Variants in MYO6 observed in about 807,000 individuals in gnomAD.
MYO6 encodes myosin VI, also known as unconventional myosin-VI.
MYO6 carries 74 observed loss-of-function variants against 178.7 expected under a neutral mutation model. That is an observed-to-expected ratio of 0.41 (90% confidence interval 0.34 to 0.50). The LOEUF is 0.50. MYO6 is among the 20% of genes least tolerant of loss of function. The probability of loss-of-function intolerance (pLI) is 0.09; values close to 1 mark genes in which losing one functional copy is unlikely to be tolerated. For missense variants in MYO6, 1,330 were observed against 1,547.4 expected (o/e 0.86, Z 2.36); for synonymous variants, 477 against 504.6 (o/e 0.95, Z 0.73).
intron 7 of MYO6, among the ~76,000 whole-genome samples, chr6:75,839,726 A>G (rs1405231715): frequency 6.6e-6 from 1 of 152,142 alleles, no homozygotes; most frequent in African/African-American, 2.4e-5. Context: ...GTTCACTAGG[A>G]TTTTAAAACC....
At chr6:75,796,195 A>G (rs1768796208) in intron 1 of MYO6, among the ~76,000 whole-genome samples, 1 of 152,196 alleles carries the variant, frequency 6.6e-6, no homozygotes, top group African/African-American at 2.4e-5. Context: ...CCTTTCTAAT[A>G]TGGTCAGTGA....
At chr6:75,775,913 G>T (rs1464317643) in intron 1 of MYO6, among the ~76,000 whole-genome samples, 3 of 152,026 alleles carry the variant, frequency 2.0e-5, no homozygotes, top group Non-Finnish European at 2.9e-5. Flanking sequence ...AGAGCACACT[G>T]GTGTTTTTCG....
At chr6:75,913,581 G>A (rs1205174928) in intron 33 of MYO6, among the ~76,000 whole-genome samples, 1 of 152,110 alleles carries the variant, frequency 6.6e-6, no homozygotes, top group Non-Finnish European at 1.5e-5. Context: ...TCTACTTTTT[G>A]TGGAAATAGT....
intron 1 of MYO6, among the ~76,000 whole-genome samples, chr6:75,775,090 G>A (rs1270712043): frequency 1.3e-5 from 2 of 152,006 alleles, no homozygotes; most frequent in South Asian, 2.1e-4. Flanking sequence ...CACCACGTCC[G>A]GTGAGAAATT....
intron 2 of MYO6, among the ~76,000 whole-genome samples, chr6:75,820,780 C>T (rs953740076): frequency 6.6e-6 from 1 of 152,164 alleles, no homozygotes; most frequent in Admixed American, 6.5e-5. Context: ...TCCCTCCCCC[C>T]CATTCAGTAG....
At chr6:75,772,506 C>T (rs1765994181) in intron 1 of MYO6, among the ~76,000 whole-genome samples, 1 of 152,136 alleles carries the variant, frequency 6.6e-6, no homozygotes, top group African/African-American at 2.4e-5. Context: ...CATTGTTTTA[C>T]TAACCTTACT....
chr6:75,869,342 G>A (rs1417905635), intron 18 of MYO6, among the ~76,000 whole-genome samples: 1 of 152,046 alleles, frequency 6.6e-6, no homozygotes, highest in Non-Finnish European at 1.5e-5. Flanking sequence ...ATCACTCACA[G>A]GAGAATGAAA....
In MYO6 at chr6:75,752,616, A is replaced by T. The variant is rs541002851; in HGVS notation, c.-48+3193A>T. Among the ~76,000 whole-genome samples, 20 of 152,328 alleles carry T rather than the reference A, an allele frequency of 1.3e-4. No individual in the cohort carries two copies. In the East Asian group the frequency reaches 3.9e-3, roughly 29 times the overall value. On this transcript the variant is annotated intron_variant, in intron 1 of 34. Coordinates refer to ENST00000369977, the MANE Select transcript of MYO6 (RefSeq NM_004999.4). Reference sequence around the variant, plus strand: ...TGTTTAAACCGGCAAAACTGGTATTATGTCAAAGAATGTAATTCAAGGTTT... The same window carrying T: ...TGTTTAAACCGGCAAAACTGGTATTTTGTCAAAGAATGTAATTCAAGGTTT...
At chr6:75,907,533 T>C in intron 30 of MYO6, 72 bp from the exon 31 acceptor site, 1 of 1,227,632 alleles carries the variant, frequency 8.1e-7, no homozygotes, top group Non-Finnish European at 1.2e-6. Flanking sequence ...TTATGCATGC[T>C]TTCTTGCCTC....
At chr6:75,911,798 A>T in intron 33 of MYO6, 100 bp downstream of exon 33, 1 of 1,147,868 alleles carries the variant, frequency 8.7e-7, no homozygotes. Context: ...TACAATTTTC[A>T]GTGGAATTGT....
intron 25 of MYO6, 123 bp from the exon 26 acceptor site, chr6:75,889,933 TA>T: frequency 1.3e-6 from 1 of 744,136 alleles, no homozygotes; most frequent in Non-Finnish European, 2.2e-6. Flanking sequence ...TAAAAAACAA[TA>T]AAAACATTAA....
At chr6:75,885,648 G>T (rs182142583) in intron 23 of MYO6, among the ~76,000 whole-genome samples, 1 of 151,990 alleles carries the variant, frequency 6.6e-6, no homozygotes. Context: ...GGGTTTCACC[G>T]TGTTAGCCAG....
rs539353088 is a variant in MYO6 at position 75,821,151 on chromosome 6, T to G, written c.118-1631T>G. On this transcript the variant is annotated intron_variant, in intron 2 of 34. Coordinates refer to ENST00000369977, the MANE Select transcript of MYO6 (RefSeq NM_004999.4). ...AGGACTCCTTACTGGCCTTTTAGCC[T>G]GCTCTTAACTTTCTCATTCCAGCAA... 1.5e-4 allele frequency among the ~76,000 whole-genome samples: 23 copies of G among 152,298 alleles called. No individual in the cohort carries two copies. In the South Asian group the frequency reaches 4.8e-3, roughly 32 times the overall value.
In MYO6 at chr6:75,910,609, A is replaced by G. The variant is rs956605452; in HGVS notation, c.3413-1063A>G. 3.3e-5 allele frequency among the ~76,000 whole-genome samples: 5 copies of G among 152,170 alleles called. No homozygotes were observed. The South Asian group carries it at 1.0e-3, about 32-fold the overall frequency. ...TTTATGTGAACACAACCCCACACAT[A>G]CATATTAAGCCTTCAGAGAACTTGA... is the stretch of plus-strand genomic sequence containing the variant. On this transcript the variant is annotated intron_variant, in intron 32 of 34. Coordinates refer to ENST00000369977, the MANE Select transcript of MYO6 (RefSeq NM_004999.4).
At chr6:75,847,559 C>T (rs758135017) in intron 10 of MYO6, among the ~76,000 whole-genome samples, 7 of 151,922 alleles carry the variant, frequency 4.6e-5, no homozygotes, top group Non-Finnish European at 1.0e-4. Context: ...CAAATGAGCA[C>T]ATTAGATGCA....
At chr6:75,863,458 A>G (rs867406483) in intron 16 of MYO6, among the ~76,000 whole-genome samples, 1 of 152,104 alleles carries the variant, frequency 6.6e-6, no homozygotes, top group Admixed American at 6.6e-5. Flanking sequence ...GGTGCACTCT[A>G]AAAGGCCAGA....
Position 75,817,641 on chromosome 6 carries a change from G to C in MYO6, c.94G>C (p.Glu32Gln). ...VDIGPDSLTIEPLNQKGKTFL... is the reference protein window; with the variant it reads ...VDIGPDSLTIQPLNQKGKTFL... ...TATTGGCCCCGACAGCTTAACAATT[G>C]AACCCTTGAATCAGAAAGGCAAGGT... Residue 32 changes from glutamate to glutamine, a missense_variant, in exon 2 of 35, where the codon GAA becomes CAA. Physicochemically the swap from Glu to Gln is conservative, Grantham distance 29. This residue lies in a region of MYO6 where 116 missense variants were observed against 104.6 expected (regional missense o/e 1.11). Transcript: ENST00000369977. 6.2e-7 allele frequency: 1 copy of C among 1,614,060 alleles called. No individual in the cohort carries two copies. Among genetic ancestry groups the C allele is most frequent in the Non-Finnish European group, 8.5e-7 (1 of 1,179,944 alleles).
chr6:75,865,198 C>G (rs1026552738), intron 16 of MYO6: 1 of 151,580 alleles, frequency 6.6e-6, no homozygotes, highest in Admixed American at 6.6e-5. Flanking sequence ...CTCAAGCAAC[C>G]CACCCGCTTC....
At chr6:75,817,793 T>C (rs547872764) in intron 2 of MYO6, 129 bp downstream of exon 2, 1 of 829,114 alleles carries the variant, frequency 1.2e-6, no homozygotes, top group South Asian at 1.4e-5. Context: ...AGTGAGTCTG[T>C]TTTCTCCTGA....
Sources: allele counts gnomAD v4.1 joint callset (sites outside exome capture counted in the v4.1 genomes callset), GRCh38; gene constraint gnomAD v4.1.1; regional missense constraint gnomAD v4.1.1; transcripts MANE v1.5; gene names NCBI Gene and HGNC (gene_info 2026-07-23, HGNC 2026-07-21).